Variants in PCDHGB1 observed in about 807,000 individuals in gnomAD.
PCDHGB1 encodes protocadherin gamma subfamily B, 1.
PCDHGB1 carries 34 observed loss-of-function variants against 56.6 expected under a neutral mutation model. That is an observed-to-expected ratio of 0.60 (90% confidence interval 0.46 to 0.80). PCDHGB1 has a LOEUF of 0.80. Among genes scored for constraint, PCDHGB1 ranks in the 30% least tolerant of loss-of-function variants. The pLI is 0.00. For missense variants in PCDHGB1, 1,278 were observed against 1,204.6 expected, an observed-to-expected ratio of 1.06 and a Z score of -0.90; for synonymous variants, 561 against 505.9, an observed-to-expected ratio of 1.11 and a Z score of -1.46.
At chr5:141,458,308 A>G (rs1363472724) in intron 1 of PCDHGB1, among the ~76,000 whole-genome samples, 1 of 152,196 alleles carries the variant, frequency 6.6e-6, no homozygotes, top group Non-Finnish European at 1.5e-5. Context: ...AGATAAAATG[A>G]CACAGACACA....
At position 141,432,816 on chromosome 5, in the gene PCDHGB1, C is replaced by A. The variant is rs778545682; in HGVS notation, c.2410-61991C>A. Reference sequence around the variant, plus strand: ...CTCGAGTCTCCAGCTAACTCTGAAACCTCAGACCTCACTCTGTACCTGGTG... The same window carrying A: ...CTCGAGTCTCCAGCTAACTCTGAAAACTCAGACCTCACTCTGTACCTGGTG... On this transcript the variant is annotated intron_variant, in intron 1 of 3. Transcript: ENST00000523390. The surrounding 1 kb of genome is among the most constrained non-coding windows in gnomAD (Gnocchi z 6.0). The A allele has an allele frequency of 7.6e-5, 122 of 1,614,044 alleles. No individual in the cohort carries two copies. The highest frequency in any genetic ancestry group is 3.3e-5 in the Admixed American group (2 of 60,012).
intron 1 of PCDHGB1, chr5:141,364,326 A>T (rs1186255733): frequency 7.2e-6 from 11 of 1,528,198 alleles, no homozygotes; most frequent in Non-Finnish European, 9.6e-6. Context: ...GGCAGAGAGA[A>T]GGCAATGGCG....
intron 1 of PCDHGB1, among the ~76,000 whole-genome samples, chr5:141,455,419 G>A (rs1462099602): frequency 6.6e-6 from 1 of 152,124 alleles, no homozygotes; most frequent in Non-Finnish European, 1.5e-5. Context: ...AGGGAGCGGG[G>A]CTCCAAAAGA....
Position 141,477,114 on chromosome 5 carries a change from G to C in PCDHGB1, c.2410-17693G>C. ...AAAGACAAGGGCGCCAATCCCGAAG[G>C]AGCACATTGCAAAGTGTTGGTGGAG... is the stretch of plus-strand genomic sequence containing the variant. On this transcript the variant is annotated intron_variant, in intron 1 of 3. Coordinates refer to ENST00000523390, the MANE Select transcript of PCDHGB1 (RefSeq NM_018922.3). This position sits in a 1 kb window ranked among gnomAD's most constrained non-coding sequence, Gnocchi z 4.9. 4.3e-6 allele frequency: 7 copies of C among 1,614,234 alleles called. No homozygotes were observed. Among genetic ancestry groups the C allele is most frequent in the Non-Finnish European group, 5.9e-6 (7 of 1,180,046 alleles).
intron 3 of PCDHGB1, 46 bp downstream of exon 3, chr5:141,505,527 T>C: frequency 6.2e-7 from 1 of 1,612,388 alleles, no homozygotes; most frequent in Non-Finnish European, 8.5e-7. Context: ...GACCTGGGGT[T>C]CTGGGGTGCA....
intron 1 of PCDHGB1, among the ~76,000 whole-genome samples, chr5:141,468,758 C>T (rs929005462): frequency 6.6e-5 from 10 of 151,684 alleles, no homozygotes; most frequent in African/African-American, 2.2e-4. Context: ...CCCAGCTACT[C>T]GGGAGGCTGA....
intron 1 of PCDHGB1, chr5:141,479,563 G>A (rs1469231382): frequency 2.6e-5 from 4 of 152,206 alleles, no homozygotes; most frequent in Admixed American, 2.0e-4. Context: ...ATCCAGTAGT[G>A]GGATGACATC....
chr5:141,431,774 G>T lies in PCDHGB1; in HGVS notation c.2410-63033G>T. Reference sequence around the variant, plus strand: ...AGCCAAAGTCCTGATCACTGTTCTGGACGTGAACGACAATGCCCCAGAAGT... The same window carrying T: ...AGCCAAAGTCCTGATCACTGTTCTGTACGTGAACGACAATGCCCCAGAAGT... On this transcript the variant is annotated intron_variant, in intron 1 of 3. Transcript: ENST00000523390. This position sits in a 1 kb window ranked among gnomAD's most constrained non-coding sequence, Gnocchi z 4.8. 5 of 1,614,204 alleles carry T rather than the reference G, an allele frequency of 3.1e-6. No individual in the cohort carries two copies. The highest frequency in any genetic ancestry group is 4.2e-6 in the Non-Finnish European group (5 of 1,180,038).
chr5:141,429,487 C>G (rs2097218311), intron 1 of PCDHGB1, among the ~76,000 whole-genome samples: 1 of 151,822 alleles, frequency 6.6e-6, no homozygotes, highest in Non-Finnish European at 1.5e-5. Flanking sequence ...GTAGCTGAGA[C>G]TACAGTTGCC....
intron 1 of PCDHGB1, among the ~76,000 whole-genome samples, chr5:141,429,416 T>A (rs527999196): frequency 6.6e-6 from 1 of 152,230 alleles, no homozygotes; most frequent in Admixed American, 6.5e-5. Flanking sequence ...GGTCTCATTA[T>A]GTTGCCCAGG....
At position 141,432,266 on chromosome 5, in the gene PCDHGB1, T is replaced by A. The variant is rs1444077446; in HGVS notation, c.2410-62541T>A. The A allele has an allele frequency of 9.3e-6, 15 of 1,614,096 alleles. No individual in the cohort carries two copies. Among genetic ancestry groups the A allele is most frequent in the Admixed American group, 3.3e-5 (2 of 60,010 alleles). The stretch of plus-strand genomic sequence containing the variant: ...CACCATCCAAGGGGCAAGCCTATCG[T>A]CCTACGTGTCCATCAACTCCGACAC... On this transcript the variant is annotated intron_variant, in intron 1 of 3. Transcript: ENST00000523390. The surrounding 1 kb of genome is among the most constrained non-coding windows in gnomAD (Gnocchi z 6.0).
chr5:141,374,340 C>T, intron 1 of PCDHGB1: 1 of 1,614,016 alleles, frequency 6.2e-7, no homozygotes, highest in Non-Finnish European at 8.5e-7. Context: ...AGCTTGGTCA[C>T]CGCGGGTAGG....
Position 141,352,344 on chromosome 5 carries a change from T to A in PCDHGB1, c.2084T>A (p.Ile695Asn). The change falls in exon 1 of 4, where the codon ATC (isoleucine) becomes AAC (asparagine). Residue 695 changes from isoleucine (I) to asparagine (N), a missense_variant. Ile to Asn is a moderately radical substitution (Grantham distance 149). Coordinates refer to ENST00000523390, the MANE Select transcript of PCDHGB1 (RefSeq NM_018922.3). ...QFYLVVALAL[I>N]SVLFLLAVIL... ...TACCTGGTTGTGGCCTTGGCCTTGA[T>A]CTCAGTGCTCTTTCTCCTCGCGGTG... 1 of 1,614,064 alleles carries A rather than the reference T, an allele frequency of 6.2e-7. No individual in the cohort carries two copies. The highest frequency in any genetic ancestry group is 2.2e-5 in the East Asian group (1 of 44,878).
intron 1 of PCDHGB1, chr5:141,422,992 G>A: frequency 6.2e-7 from 1 of 1,614,238 alleles, no homozygotes; most frequent in Non-Finnish European, 8.5e-7. Flanking sequence ...TGGCTACCTG[G>A]TGACCAAGGT....
intron 1 of PCDHGB1, among the ~76,000 whole-genome samples, chr5:141,484,740 G>GA (rs1047805396): frequency 2.0e-5 from 3 of 150,646 alleles, no homozygotes; most frequent in Admixed American, 1.3e-4. Context: ...GGTGTGTTAG[G>GA]AAAAAAAATG....
chr5:141,365,291 G>A (rs1485820114), intron 1 of PCDHGB1: 2 of 1,614,008 alleles, frequency 1.2e-6, no homozygotes, highest in Admixed American at 3.3e-5. Flanking sequence ...GGAAGTGGTA[G>A]CTCAGGATGG....
In PCDHGB1 at chr5:141,350,698, G is replaced by A; in HGVS notation, c.438G>A (p.Gly146=). ...AAATTTGTGAGTCAGCCTTACCCGGGGTAAAATTCTCTCTGGATTCTGCTC... is the reference window on the plus strand; with the variant it reads ...AAATTTGTGAGTCAGCCTTACCCGGAGTAAAATTCTCTCTGGATTCTGCTC... ...DLEICESALP[G]VKFSLDSAQD... The change falls in exon 1 of 4, where the codon GGG becomes GGA. Residue 146 remains glycine, a synonymous_variant. Coordinates refer to ENST00000523390, the MANE Select transcript of PCDHGB1 (RefSeq NM_018922.3). 6.2e-7 allele frequency: 1 copy of A among 1,613,916 alleles called. No homozygotes were observed. The highest frequency in any genetic ancestry group is 1.1e-5 in the South Asian group (1 of 91,090).
chr5:141,398,675 A>G (rs1462726875), intron 1 of PCDHGB1: 10 of 1,613,974 alleles, frequency 6.2e-6, no homozygotes, highest in East Asian at 2.2e-5. Context: ...TTAATAATTA[A>G]GGAGAAACAG....
rs768342539 is a variant in PCDHGB1, at chr5:141,356,087, C to A, written c.2409+3418C>A. On this transcript the variant is annotated intron_variant, in intron 1 of 3. Coordinates refer to ENST00000523390, the MANE Select transcript of PCDHGB1 (RefSeq NM_018922.3). Reference sequence around the variant, plus strand: ...ATATCACAGCTATTTCAGTTGAATTCTCTGAGTGGGGATATAACAATATTG... The same window carrying A: ...ATATCACAGCTATTTCAGTTGAATTATCTGAGTGGGGATATAACAATATTG... 3.7e-6 allele frequency: 6 copies of A among 1,613,760 alleles called. No individual in the cohort carries two copies. The East Asian group carries it at 8.9e-5, about 24-fold the overall frequency.
Sources: allele counts gnomAD v4.1 joint callset (sites outside exome capture counted in the v4.1 genomes callset), GRCh38; gene constraint gnomAD v4.1.1; non-coding constraint Gnocchi (gnomAD v3.1); transcripts MANE v1.5; gene names NCBI Gene and HGNC (gene_info 2026-07-23, HGNC 2026-07-21).